Variants in CADM2 observed in about 807,000 individuals in gnomAD.
The protein encoded by CADM2 is immunoglobulin superfamily member 4D.
Under a neutral mutation model 49.8 loss-of-function variants are expected in CADM2, and 12 were observed. The observed-to-expected ratio is 0.24, with a 90% confidence interval of 0.15 to 0.39. CADM2 has a LOEUF of 0.39. Among genes scored for constraint, CADM2 ranks in the 10% least tolerant of loss-of-function variants. CADM2 has a pLI of 1.00. For synonymous variants in CADM2, 214 were observed against 175.4 expected (o/e 1.22, Z -1.74); for missense variants, 378 against 492.3 (o/e 0.77, Z 2.20).
chr3:84,982,744 G>T (rs558723439), intron 1 of CADM2, among the ~76,000 whole-genome samples: 9,955 of 62,550 alleles, frequency 0.16, 668 homozygotes, highest in Admixed American at 0.31. Flanking sequence ...TACATTTTTT[G>T]TTTTTTTAAT....
intron 8 of CADM2, among the ~76,000 whole-genome samples, chr3:86,030,096 G>T (rs1734377302): frequency 6.6e-6 from 1 of 151,942 alleles, no homozygotes; most frequent in Admixed American, 6.6e-5. Flanking sequence ...TTTAATGAAT[G>T]AAGCTTGAAA....
At chr3:85,678,747 C>T (rs1471788342) in intron 1 of CADM2, among the ~76,000 whole-genome samples, 2 of 152,132 alleles carry the variant, frequency 1.3e-5, no homozygotes, top group African/African-American at 4.8e-5. Flanking sequence ...TGACTCATAT[C>T]AGTTTATTTA....
intron 2 of CADM2, among the ~76,000 whole-genome samples, chr3:85,741,421 G>A (rs893196639): frequency 6.6e-6 from 1 of 152,056 alleles, no homozygotes; most frequent in African/African-American, 2.4e-5. Flanking sequence ...TCTATTCCCA[G>A]CACTTTGGAA....
intron 1 of CADM2, among the ~76,000 whole-genome samples, chr3:85,476,440 A>T (rs547569111): frequency 6.6e-6 from 1 of 152,062 alleles, no homozygotes; most frequent in South Asian, 2.1e-4. Flanking sequence ...CTTTAAAAAT[A>T]AATATAGCAG....
At chr3:85,489,692 A>G (rs1480866174) in intron 1 of CADM2, among the ~76,000 whole-genome samples, 1 of 144,846 alleles carries the variant, frequency 6.9e-6, no homozygotes, top group Non-Finnish European at 1.6e-5. Flanking sequence ...AAACAAAAAA[A>G]AAACAAAAAA....
At chr3:85,553,523 C>G (rs2061871176) in intron 1 of CADM2, among the ~76,000 whole-genome samples, 1 of 104,778 alleles carries the variant, frequency 9.5e-6, no homozygotes, top group South Asian at 2.8e-4. Flanking sequence ...CAAGAAAATT[C>G]TACATTCTAC....
At chr3:85,962,189 A>C (rs1437536886) in intron 8 of CADM2, among the ~76,000 whole-genome samples, 1 of 151,930 alleles carries the variant, frequency 6.6e-6, no homozygotes, top group Non-Finnish European at 1.5e-5. Flanking sequence ...AAAATGCTGG[A>C]ATTACAGGTG....
At chr3:85,319,996 G>T (rs920551884) in intron 1 of CADM2, among the ~76,000 whole-genome samples, 1 of 152,122 alleles carries the variant, frequency 6.6e-6, no homozygotes, top group Non-Finnish European at 1.5e-5. Flanking sequence ...CTCCTTTACA[G>T]ATAGGAGCCA....
intron 1 of CADM2, among the ~76,000 whole-genome samples, chr3:85,014,213 G>T (rs2034143358): frequency 6.7e-6 from 1 of 148,410 alleles, no homozygotes; most frequent in Non-Finnish European, 1.5e-5. Context: ...GTGTAATAAT[G>T]TATATCATAT....
chr3:85,142,206 A>T (rs2107629834), intron 1 of CADM2, among the ~76,000 whole-genome samples: 1 of 152,320 alleles, frequency 6.6e-6, no homozygotes, highest in Non-Finnish European at 1.5e-5. Flanking sequence ...AATTTTTGCC[A>T]AACAGCCCTC....
At chr3:85,615,393 T>G (rs1438090319) in intron 1 of CADM2, among the ~76,000 whole-genome samples, 1 of 152,038 alleles carries the variant, frequency 6.6e-6, no homozygotes, top group Non-Finnish European at 1.5e-5. Context: ...TTTTCCATAT[T>G]GTGGAATTTC....
intron 8 of CADM2, among the ~76,000 whole-genome samples, chr3:86,053,354 C>G (rs1411893491): frequency 6.6e-6 from 1 of 152,142 alleles, no homozygotes. Flanking sequence ...TGCGTGTACA[C>G]TTGACAAAAA....
chr3:85,059,306 CAAATAAAA>C (rs1178550115), intron 1 of CADM2, among the ~76,000 whole-genome samples: 1 of 140,184 alleles, frequency 7.1e-6, no homozygotes, highest in Non-Finnish European at 1.6e-5. Context: ...AAAGATCTAG[CAAATAAAA>C]AAATAAAAAA....
At chr3:85,301,906 G>A (rs914605611) in intron 1 of CADM2, among the ~76,000 whole-genome samples, 3 of 151,982 alleles carry the variant, frequency 2.0e-5, no homozygotes, top group African/African-American at 4.8e-5. Flanking sequence ...TTTTTAAAAG[G>A]TTATATGTAG....
At chr3:85,354,467 A>G (rs2031669879) in intron 1 of CADM2, among the ~76,000 whole-genome samples, 1 of 151,830 alleles carries the variant, frequency 6.6e-6, no homozygotes, top group Non-Finnish European at 1.5e-5. Flanking sequence ...ACAAACCTGC[A>G]CATTGTGCAC....
chr3:85,455,289 C>G (rs890272254), intron 1 of CADM2, among the ~76,000 whole-genome samples: 13 of 152,188 alleles, frequency 8.5e-5, no homozygotes, highest in African/African-American at 3.1e-4. Flanking sequence ...TGCTAAGTAA[C>G]TCAATACATG....
At chr3:85,645,203 G>A (rs2064845240) in intron 1 of CADM2, among the ~76,000 whole-genome samples, 1 of 151,892 alleles carries the variant, frequency 6.6e-6, no homozygotes, top group Admixed American at 6.6e-5. Context: ...TCTCATAAGT[G>A]ATATTCTACT....
intron 1 of CADM2, among the ~76,000 whole-genome samples, chr3:85,527,281 G>C: frequency 6.6e-6 from 1 of 151,486 alleles, no homozygotes; most frequent in Non-Finnish European, 1.5e-5. Flanking sequence ...ATCTACTCAG[G>C]ATGCCAAGGT....
chr3:85,947,634 G>A (rs1722908823), intron 7 of CADM2, among the ~76,000 whole-genome samples: 1 of 151,182 alleles, frequency 6.6e-6, no homozygotes, highest in African/African-American at 2.4e-5. Context: ...CTATTTTATG[G>A]TTTCAAAATT....
Sources: allele counts gnomAD v4.1 joint callset (sites outside exome capture counted in the v4.1 genomes callset), GRCh38; gene constraint gnomAD v4.1.1; transcripts MANE v1.5; gene names NCBI Gene and HGNC (gene_info 2026-07-23, HGNC 2026-07-21).